TXNRD3: variants seen among roughly 807,000 people sequenced by gnomAD.
TXNRD3 encodes the protein TXNRD3 neighbor gene protein.
TXNRD3 carries 68 observed loss-of-function variants against 78.2 expected under a neutral mutation model. The ratio of observed to expected loss-of-function variants is 0.87; its 90% confidence interval spans 0.72 to 1.06. The LOEUF (loss-of-function observed/expected upper bound fraction) is 1.06. TXNRD3 is among the 50% of genes least tolerant of loss of function. The probability of loss-of-function intolerance (pLI) is 0.00; values close to 1 mark genes in which losing one functional copy is unlikely to be tolerated. For missense variants in TXNRD3, 751 were observed against 809.5 expected (o/e 0.93, Z 0.88); for synonymous variants, 296 against 300.1 (o/e 0.99, Z 0.14).
At chr3:126,651,683 A>T (rs1256111333) in intron 1 of TXNRD3, among the ~76,000 whole-genome samples, 1 of 152,208 alleles carries the variant, frequency 6.6e-6, no homozygotes, top group Non-Finnish European at 1.5e-5. Context: ...AGTCCAACAC[A>T]TACATGAGAA....
At chr3:126,625,034 T>C (rs1460667148) in intron 10 of TXNRD3, 2 of 168,092 alleles carry the variant, frequency 1.2e-5, no homozygotes, top group Non-Finnish European at 2.7e-5. Context: ...CATTATCTAA[T>C]GGAATGTCCA....
intron 12 of TXNRD3, among the ~76,000 whole-genome samples, chr3:126,616,790 C>A (rs1316331499): frequency 6.6e-6 from 1 of 152,154 alleles, no homozygotes; most frequent in East Asian, 1.9e-4. Context: ...CACCACGTAT[C>A]CCCCAAATCA....
chr3:126,654,858 G>GC lies in TXNRD3; in HGVS notation c.132dup (p.Pro45AlafsTer35). 7.4e-7 allele frequency: 1 copy of GC among 1,348,654 alleles called. No homozygotes were observed. Among genetic ancestry groups the GC allele is most frequent in the Non-Finnish European group, 9.5e-7 (1 of 1,057,194 alleles). The allele number at this position is 1,348,654 out of a possible 1,614,324, so 83.5% of individuals were successfully genotyped here. On this transcript the variant is annotated frameshift_variant, in exon 1 of 16. Coordinates refer to ENST00000524230, the MANE Select transcript of TXNRD3 (RefSeq NM_052883.3). LOFTEE classifies it high-confidence loss of function. The stretch of plus-strand genomic sequence containing the variant: ...TCGCGGGCCTCGGACGAGCGGCTGG[G>GC]CCCGGGGGACGACAGGCGGGCACGG...
chr3:126,634,359 G>A (rs1938799283), intron 6 of TXNRD3, among the ~76,000 whole-genome samples: 1 of 152,094 alleles, frequency 6.6e-6, no homozygotes, highest in African/African-American at 2.4e-5. Flanking sequence ...ACCTCTCCTC[G>A]GTGGCACCTC....
chr3:126,642,937 G>T (rs925162897), intron 5 of TXNRD3, among the ~76,000 whole-genome samples: 1 of 152,188 alleles, frequency 6.6e-6, no homozygotes, highest in Admixed American at 6.5e-5. Flanking sequence ...GATTAACAGA[G>T]AAATTATCAC....
At chr3:126,640,758 C>G (rs548931338) in intron 6 of TXNRD3, among the ~76,000 whole-genome samples, 1 of 152,094 alleles carries the variant, frequency 6.6e-6, no homozygotes, top group South Asian at 2.1e-4. Context: ...TTTGCTCAAC[C>G]CTCTGTCATT....
At chr3:126,639,485 T>C (rs1402519207) in intron 6 of TXNRD3, among the ~76,000 whole-genome samples, 9 of 152,202 alleles carry the variant, frequency 5.9e-5, no homozygotes, top group Non-Finnish European at 8.8e-5. Context: ...GAACAAACCT[T>C]CCTCATACAG....
chr3:126,613,666 G>A (rs1576280161), intron 13 of TXNRD3, among the ~76,000 whole-genome samples: 1 of 152,202 alleles, frequency 6.6e-6, no homozygotes, highest in South Asian at 2.1e-4. Flanking sequence ...ACCTAGTGAC[G>A]TTATAGCCAT....
Position 126,607,256 on chromosome 3 carries a change from T to C in TXNRD3, c.*649A>G, listed in dbSNP as rs748580958. On this transcript the variant is annotated 3_prime_UTR_variant, in exon 16 of 16. Coordinates refer to ENST00000524230, the MANE Select transcript of TXNRD3 (RefSeq NM_052883.3). ...TCTCGAGATATTAATTAGGGGAGAATAGCTTCAAGGTTATCACCACCAAGT... is the reference window on the plus strand; with the variant it reads ...TCTCGAGATATTAATTAGGGGAGAACAGCTTCAAGGTTATCACCACCAAGT... 2 of 152,264 alleles carry C rather than the reference T, an allele frequency of 1.3e-5. No individual in the cohort carries two copies. Among genetic ancestry groups the C allele is most frequent in the African/African-American group, 2.4e-5 (1 of 41,438 alleles). The allele number at this position is 152,264 out of a possible 1,614,324, so 9.4% of individuals were successfully genotyped here. A position where few individuals can be genotyped will look rare whatever the true frequency, so the allele number is the denominator to read the frequency against.
chr3:126,636,325 T>C (rs982041077), intron 6 of TXNRD3, among the ~76,000 whole-genome samples: 8 of 152,208 alleles, frequency 5.3e-5, no homozygotes, highest in Non-Finnish European at 1.0e-4. Flanking sequence ...TTACTTCTTT[T>C]CCAATCTATG....
intron 13 of TXNRD3, among the ~76,000 whole-genome samples, chr3:126,612,852 C>A (rs1938229910): frequency 6.6e-6 from 1 of 152,210 alleles, no homozygotes. Context: ...CTTATTCCAG[C>A]ACCCTTTAAT....
chr3:126,622,469 A>G lies in TXNRD3; in HGVS notation c.1362T>C (p.Asn454=). 1 of 1,535,238 alleles carries G rather than the reference A, an allele frequency of 6.5e-7. No individual in the cohort carries two copies. The highest frequency in any genetic ancestry group is 8.7e-7 in the Non-Finnish European group (1 of 1,146,438). ...AGTGATCCCAATATACTTACTTCTC[A>G]TTAATTTTGACACCAATCTTCTCCA... Residue 454 remains asparagine (N), a synonymous_variant, in exon 11 of 16, where the codon AAT becomes AAC. Coordinates refer to ENST00000524230, the MANE Select transcript of TXNRD3 (RefSeq NM_052883.3).
At chr3:126,619,982 T>C (rs557045060) in intron 12 of TXNRD3, among the ~76,000 whole-genome samples, 1 of 152,272 alleles carries the variant, frequency 6.6e-6, no homozygotes, top group South Asian at 2.1e-4. Context: ...GAGCCACATG[T>C]ACTGTGCAAA....
In TXNRD3 at chr3:126,654,913, T is replaced by C. The variant is rs984331406; in HGVS notation, c.78A>G (p.Arg26=). 135 of 1,307,620 alleles carry C rather than the reference T, an allele frequency of 1.0e-4. No individual in the cohort carries two copies. The highest frequency in any genetic ancestry group is 1.2e-4 in the Non-Finnish European group (128 of 1,036,770). 81.0% of individuals were successfully genotyped at this position (1,307,620 alleles called of 1,614,324 possible). The change falls in exon 1 of 16, where the codon CGA becomes CGG. Residue 26 remains arginine (R), a synonymous_variant. Transcript: ENST00000524230. ...CCGGCGGCGACAACACGCGCGCCCCTCGGACATGGCCCGAGCGGCGGTTGG... is the reference window on the plus strand; with the variant it reads ...CCGGCGGCGACAACACGCGCGCCCCCCGGACATGGCCCGAGCGGCGGTTGG...
At chr3:126,621,601 TTAG>T in intron 12 of TXNRD3, 138 bp downstream of exon 12, 1 of 765,114 alleles carries the variant, frequency 1.3e-6, no homozygotes, top group Non-Finnish European at 2.0e-6. Context: ...TTTTAATCCA[TTAG>T]TAAATAGTAA....
intron 1 of TXNRD3, among the ~76,000 whole-genome samples, chr3:126,651,739 G>T (rs899208891): frequency 6.6e-6 from 1 of 152,040 alleles, no homozygotes; most frequent in Non-Finnish European, 1.5e-5. Context: ...GGAAAGGATG[G>T]GGTCTCCAAA....
chr3:126,638,392 C>CCA (rs1559777506), intron 6 of TXNRD3, among the ~76,000 whole-genome samples: 1 of 152,114 alleles, frequency 6.6e-6, no homozygotes, highest in African/African-American at 2.4e-5. Flanking sequence ...CCTAAATACA[C>CCA]CATGTGTTGG....
rs1197683544 is a variant in TXNRD3 at position 126,608,630 on chromosome 3, G to T, written c.1732C>A (p.Arg578=). The T allele has an allele frequency of 3.3e-6, 5 of 1,534,492 alleles. No individual in the cohort carries two copies. The highest frequency in any genetic ancestry group is 4.4e-6 in the Non-Finnish European group (5 of 1,146,328). Residue 578 remains arginine (R), a synonymous_variant, in exon 15 of 16, where the codon CGG becomes AGG. Coordinates refer to ENST00000524230, the MANE Select transcript of TXNRD3 (RefSeq NM_052883.3). ...CCAAGAATATGAAATCCTATCACCC[G>T]ATCCTTTAATACAGAAACAAAACAA... is the stretch of plus-strand genomic sequence containing the variant.
chr3:126,641,222 G>GT (rs1261153988), intron 6 of TXNRD3, among the ~76,000 whole-genome samples: 1 of 152,100 alleles, frequency 6.6e-6, no homozygotes, highest in African/African-American at 2.4e-5. Context: ...TCTTTAGGGA[G>GT]TTTTTTTCTG....
Sources: gnomAD v4.1 joint callset for allele counts (sites outside exome capture counted in the v4.1 genomes callset) on GRCh38, gnomAD v4.1.1 for gene constraint, MANE v1.5 for transcripts, NCBI Gene and HGNC (gene_info 2026-07-23, HGNC 2026-07-21) for gene names.